Variants in KIAA1217 observed in about 807,000 individuals in gnomAD.
The protein encoded by KIAA1217 is KIAA1217.
KIAA1217 carries 88 observed loss-of-function variants against 163.9 expected under a neutral mutation model. That is an observed-to-expected ratio of 0.54 (90% CI 0.45 to 0.64). The LOEUF is 0.64. Among genes scored for constraint, KIAA1217 ranks in the 30% least tolerant of loss-of-function variants. The pLI, the probability that KIAA1217 is intolerant of heterozygous loss-of-function variation, is 0.00. For synonymous variants in KIAA1217, 903 were observed against 923.1 expected, an observed-to-expected ratio of 0.98 and a Z score of 0.39; for missense variants, 2,372 against 2,475.0, an observed-to-expected ratio of 0.96 and a Z score of 0.88.
At chr10:24,537,341 C>T (rs963875455) in intron 17 of KIAA1217, among the ~76,000 whole-genome samples, 4 of 151,996 alleles carry the variant, frequency 2.6e-5, no homozygotes, top group South Asian at 2.1e-4. Context: ...TTTGGGAGGC[C>T]GAGGCAGGTG....
chr10:23,908,346 G>A (rs1176410642), intron 1 of KIAA1217, among the ~76,000 whole-genome samples: 1 of 151,988 alleles, frequency 6.6e-6, no homozygotes, highest in Non-Finnish European at 1.5e-5. Flanking sequence ...CCAGTTTCCA[G>A]GCTAATACTT....
intron 2 of KIAA1217, among the ~76,000 whole-genome samples, chr10:24,320,193 A>AT (rs1340484740): frequency 1.3e-5 from 2 of 152,234 alleles, no homozygotes; most frequent in African/African-American, 4.8e-5. Context: ...AGGAGATTAT[A>AT]TTTTTAATTC....
chr10:23,817,980 T>TACAC lies in KIAA1217; in HGVS notation c.-321+122747_-321+122748insCACA, dbSNP rs1441856141. Among the ~76,000 whole-genome samples the TACAC allele has an allele frequency of 3.7e-3, 412 of 111,678 alleles. 10 individuals are homozygous for TACAC. The highest frequency in any genetic ancestry group is 0.015 in the African/African-American group (396 of 26,400). 73.3% of individuals were successfully genotyped at this position (111,678 alleles called of 152,430 possible). A position where few individuals can be genotyped will look rare whatever the true frequency, so the allele number is the denominator to read the frequency against. ...GGTGGCACATATATATATATATATA[T>TACAC]ATATATATATATATATATATATATA... On this transcript the variant is annotated intron_variant, in intron 1 of 18. Transcript: ENST00000376462.
intron 12 of KIAA1217, 62 bp from the exon 13 acceptor site, chr10:24,524,261 C>T (rs2071753692): frequency 3.3e-6 from 5 of 1,528,920 alleles, no homozygotes; most frequent in Non-Finnish European, 4.5e-6. Flanking sequence ...ACATAGCCTG[C>T]AAGTATACCA....
At chr10:24,128,314 G>A (rs183896431) in intron 2 of KIAA1217, among the ~76,000 whole-genome samples, 224 of 152,282 alleles carry the variant, frequency 1.5e-3, no homozygotes, top group Admixed American at 4.7e-3. Flanking sequence ...GAGGATGCAA[G>A]GGTCAATAAT....
At chr10:24,446,152 T>C (rs530073268) in intron 5 of KIAA1217, among the ~76,000 whole-genome samples, 1 of 152,334 alleles carries the variant, frequency 6.6e-6, no homozygotes, top group South Asian at 2.1e-4. Flanking sequence ...CATTTTTTCA[T>C]GTGTTTTTTG....
In KIAA1217 at chr10:23,868,117, G is replaced by A. The variant is rs565448788; in HGVS notation, c.-320-139108G>A. The stretch of plus-strand genomic sequence containing the variant: ...TCTACGGCCATACCACCCTGAATGC[G>A]CCCGATCTCGTCTGATCTCAGGACA... On this transcript the variant is annotated intron_variant, in intron 1 of 18. Transcript: ENST00000376462. 4.5e-4 allele frequency among the ~76,000 whole-genome samples: 68 copies of A among 152,086 alleles called. 1 individual carries two copies. Among genetic ancestry groups the A allele is most frequent in the South Asian group, 1.0e-3 (5 of 4,812 alleles).
intron 1 of KIAA1217, among the ~76,000 whole-genome samples, chr10:23,795,618 A>C (rs946213485): frequency 2.6e-5 from 4 of 152,184 alleles, no homozygotes; most frequent in African/African-American, 9.6e-5. Context: ...AAGGACTTAT[A>C]GGTCATAGGT....
chr10:24,221,570 A>G (rs901365820), intron 2 of KIAA1217, among the ~76,000 whole-genome samples: 1 of 152,174 alleles, frequency 6.6e-6, no homozygotes, highest in Non-Finnish European at 1.5e-5. Context: ...CTTAAATTCA[A>G]TCTTCTCTTC....
intron 9 of KIAA1217, among the ~76,000 whole-genome samples, chr10:24,502,473 G>A (rs1256509639): frequency 6.6e-6 from 1 of 152,024 alleles, no homozygotes; most frequent in African/African-American, 2.4e-5. Context: ...TTCAGGTCAC[G>A]AATCTTGGTC....
chr10:24,033,939 A>G (rs1036201721), intron 2 of KIAA1217, among the ~76,000 whole-genome samples: 2 of 152,252 alleles, frequency 1.3e-5, no homozygotes, highest in Admixed American at 6.5e-5. Context: ...GGCTCCTTAC[A>G]GAAAAAGTTT....
chr10:23,887,208 T>A (rs1167827812), intron 1 of KIAA1217, among the ~76,000 whole-genome samples: 3 of 151,904 alleles, frequency 2.0e-5, no homozygotes, highest in African/African-American at 7.2e-5. Context: ...GATGATCATA[T>A]CCAATAATGT....
At chr10:23,931,157 C>T (rs1843237184) in intron 1 of KIAA1217, among the ~76,000 whole-genome samples, 1 of 152,046 alleles carries the variant, frequency 6.6e-6, no homozygotes, top group Non-Finnish European at 1.5e-5. Context: ...TTGGGTTCTT[C>T]CTAGGGGTCA....
chr10:24,465,521 T>C (rs1224653387), intron 5 of KIAA1217, among the ~76,000 whole-genome samples: 1 of 152,216 alleles, frequency 6.6e-6, no homozygotes, highest in Non-Finnish European at 1.5e-5. Context: ...GGGTGTGGCG[T>C]GAAGCCAGTG....
chr10:23,838,051 C>T (rs1838577508), intron 1 of KIAA1217, among the ~76,000 whole-genome samples: 1 of 152,164 alleles, frequency 6.6e-6, no homozygotes, highest in African/African-American at 2.4e-5. Flanking sequence ...AACCTAAGAC[C>T]TGGATAAATC....
At chr10:24,203,879 G>A (rs1241775074), upstream of KIAA1217, among the ~76,000 whole-genome samples, 1 of 152,228 alleles carries the variant, frequency 6.6e-6, no homozygotes, top group African/African-American at 2.4e-5. Flanking sequence ...GACTTTGTCT[G>A]CAGTGACCAG....
rs143032856 is a variant in KIAA1217 at position 24,544,490 on chromosome 10, G to T, written c.5211+9G>T. 1.9e-6 allele frequency: 3 copies of T among 1,591,516 alleles called. No individual in the cohort carries two copies. The highest frequency in any genetic ancestry group is 4.5e-5 in the East Asian group (2 of 44,562). ...CTTCAGCTTCACGTAAGGTATCTTGGTCTGCTGGAAAATGAAAAGACCCAG... is the reference window on the plus strand; with the variant it reads ...CTTCAGCTTCACGTAAGGTATCTTGTTCTGCTGGAAAATGAAAAGACCCAG... On this transcript the variant is annotated intron_variant, in intron 19 of 20. Transcript: ENST00000376454.
At chr10:24,209,003 G>A (rs1296828148), upstream of KIAA1217, 1 of 581,654 alleles carries the variant, frequency 1.7e-6, no homozygotes, top group Admixed American at 3.0e-5. Flanking sequence ...GATCCAAGAG[G>A]CCCCGCGCTG....
intron 1 of KIAA1217, among the ~76,000 whole-genome samples, chr10:23,832,682 CA>C (rs1838267662): frequency 6.6e-6 from 1 of 152,078 alleles, no homozygotes; most frequent in African/African-American, 2.4e-5. Flanking sequence ...TCCCAGGGAC[CA>C]GGGGCAGAGA....
Sources: gnomAD v4.1 joint callset for allele counts (sites outside exome capture counted in the v4.1 genomes callset) on GRCh38, gnomAD v4.1.1 for gene constraint, MANE v1.5 for transcripts, NCBI Gene and HGNC (gene_info 2026-07-23, HGNC 2026-07-21) for gene names.